Variants in C4orf46 observed in about 807,000 individuals in gnomAD.
The protein encoded by C4orf46 is renal cancer differentiation gene 1 protein.
C4orf46 carries 8 observed loss-of-function variants against 9.1 expected under a neutral mutation model. The ratio of observed to expected loss-of-function variants is 0.88; its 90% confidence interval spans 0.52 to 1.59. C4orf46 has a LOEUF of 1.59. Ranked by LOEUF, C4orf46 falls within the 40% of genes most tolerant of loss-of-function variation. The probability of loss-of-function intolerance (pLI) is 0.00; values close to 1 mark genes in which losing one functional copy is unlikely to be tolerated. For missense variants in C4orf46, 151 were observed against 139.1 expected (o/e 1.09, Z -0.43); for synonymous variants, 51 against 58.8 (o/e 0.87, Z 0.61).
At position 158,667,994 on chromosome 4, in the gene C4orf46, G is replaced by A. The variant is rs1490824888; in HGVS notation, c.*1619C>T. 2.6e-5 allele frequency: 4 copies of A among 152,162 alleles called. No homozygotes were observed. Among genetic ancestry groups the A allele is most frequent in the Non-Finnish European group, 4.4e-5 (3 of 68,036 alleles). 9.4% of individuals were successfully genotyped at this position (152,162 alleles called of 1,614,324 possible). A position where few individuals can be genotyped will look rare whatever the true frequency, so the allele number is the denominator to read the frequency against. On this transcript the variant is annotated 3_prime_UTR_variant, in exon 2 of 2. Coordinates refer to ENST00000379205, the MANE Select transcript of C4orf46 (RefSeq NM_001008393.4). ...CTGGGGACTCTGGGGAGGGAGGAACGGGACAGGATCAAACAGGTAACAAAG... is the reference window on the plus strand; with the variant it reads ...CTGGGGACTCTGGGGAGGGAGGAACAGGACAGGATCAAACAGGTAACAAAG...
At position 158,669,541 on chromosome 4, in the gene C4orf46, G is replaced by A. The variant is rs1773461206; in HGVS notation, c.*72C>T. 2 of 1,458,244 alleles carry A rather than the reference G, an allele frequency of 1.4e-6. No homozygotes were observed. Among genetic ancestry groups the A allele is most frequent in the Non-Finnish European group, 1.9e-6 (2 of 1,050,098 alleles). 90.3% of individuals were successfully genotyped at this position (1,458,244 alleles called of 1,614,324 possible). ...TGGACAGAGGTCATCCTATATGTGT[G>A]GTACATGTACAAAATATGACATAAG... On this transcript the variant is annotated 3_prime_UTR_variant, in exon 2 of 2. Transcript: ENST00000379205.
At chr4:158,671,939 C>T (rs1191792112), upstream of C4orf46, 1 of 667,368 alleles carries the variant, frequency 1.5e-6, no homozygotes, top group Non-Finnish European at 2.5e-6. Context: ...TGGGTCTCAG[C>T]CCCGGACCAC....
At chr4:158,669,852 G>C (rs1773476606) in intron 1 of C4orf46, 84 bp from the exon 2 acceptor site, 34 of 1,085,620 alleles carry the variant, frequency 3.1e-5, no homozygotes, top group Non-Finnish European at 4.4e-5. Flanking sequence ...TTAAGGCTTT[G>C]AATCCAATGC....
In C4orf46 at chr4:158,667,798, CAGG is replaced by C. The variant is rs1488180579; in HGVS notation, c.*1812_*1814del. The C allele has an allele frequency of 1.3e-5, 2 of 152,016 alleles. No individual in the cohort carries two copies. The highest frequency in any genetic ancestry group is 2.4e-5 in the African/African-American group (1 of 41,368). 9.4% of individuals were successfully genotyped at this position (152,016 alleles called of 1,614,324 possible). A position where few individuals can be genotyped will look rare whatever the true frequency, so the allele number is the denominator to read the frequency against. ...TTACAAAAGTCAGCACTGTAAAATG[CAGG>C]AGAAGGCTATACTGGGGCATGAACA... On this transcript the variant is annotated 3_prime_UTR_variant, in exon 2 of 2. Transcript: ENST00000379205.
In C4orf46 at chr4:158,669,448, C is replaced by T; in HGVS notation, c.*165G>A. 2 of 581,984 alleles carry T rather than the reference C, an allele frequency of 3.4e-6. No individual in the cohort carries two copies. Among genetic ancestry groups the T allele is most frequent in the Non-Finnish European group, 3.0e-6 (1 of 337,352 alleles). 36.1% of individuals were successfully genotyped at this position (581,984 alleles called of 1,614,324 possible). A position where few individuals can be genotyped will look rare whatever the true frequency, so the allele number is the denominator to read the frequency against. ...TACTGGTCCGCAACAAAAATAGCAT[C>T]GGTATTCTGCTTTCACAAAAACCAA... On this transcript the variant is annotated 3_prime_UTR_variant, in exon 2 of 2. Coordinates refer to ENST00000379205, the MANE Select transcript of C4orf46 (RefSeq NM_001008393.4).
Position 158,669,788 on chromosome 4 carries a change from CAT to C in C4orf46, c.187-22_187-21del, listed in dbSNP as rs1373599667. 1.5e-5 allele frequency: 23 copies of C among 1,564,862 alleles called. No individual in the cohort carries two copies. Among genetic ancestry groups the C allele is most frequent in the Admixed American group, 1.9e-5 (1 of 51,554 alleles). On this transcript the variant is annotated intron_variant, in intron 1 of 1. Coordinates refer to ENST00000379205, the MANE Select transcript of C4orf46 (RefSeq NM_001008393.4). ...GGCTGCCTAAAAAAAAAAAGTCAAA[CAT>C]AATTTTATTTTTAAAATTCTCATCT...
Position 158,671,827 on chromosome 4 carries a change from C to T in C4orf46, c.-26G>A, listed in dbSNP as rs1292201619. The T allele has an allele frequency of 1.6e-5, 24 of 1,461,256 alleles. No homozygotes were observed. Among genetic ancestry groups the T allele is most frequent in the Non-Finnish European group, 2.1e-5 (23 of 1,099,388 alleles). The allele number at this position is 1,461,256 out of a possible 1,614,324, so 90.5% of individuals were successfully genotyped here. ...GGGGAAGGGTTGGGACCGCGGAATC[C>T]GACCCGAGAAGCCGAACCGACACCA... On this transcript the variant is annotated 5_prime_UTR_variant, in exon 1 of 2. Coordinates refer to ENST00000379205, the MANE Select transcript of C4orf46 (RefSeq NM_001008393.4).
chr4:158,670,507 C>T (rs1773502676), intron 1 of C4orf46, among the ~76,000 whole-genome samples: 1 of 152,132 alleles, frequency 6.6e-6, no homozygotes, highest in Admixed American at 6.5e-5. Context: ...GATCAAAGAA[C>T]AGAAACTCTG....
Position 158,671,656 on chromosome 4 carries a change from G to A in C4orf46, c.146C>T (p.Thr49Met), listed in dbSNP as rs369968557. ...CTCCACTTCCTCCAGCTGGTCCACCGTTGGGCCGCTGCTCCTGCTCGGAAC... is the reference window on the plus strand; with the variant it reads ...CTCCACTTCCTCCAGCTGGTCCACCATTGGGCCGCTGCTCCTGCTCGGAAC... Reference protein sequence around the residue: ...WPVPSRSSGPTVDQLEEVELQ... With the variant: ...WPVPSRSSGPMVDQLEEVELQ... The change falls in exon 1 of 2, where the codon ACG becomes ATG. Residue 49 changes from threonine to methionine, a missense_variant. By Grantham distance (81) the Thr-to-Met change is moderately conservative (BLOSUM62 -1). Transcript: ENST00000379205. 11 of 1,602,302 alleles carry A rather than the reference G, an allele frequency of 6.9e-6. No individual in the cohort carries two copies. Among genetic ancestry groups the A allele is most frequent in the Middle Eastern group, 1.7e-4 (1 of 5,800 alleles).
Position 158,671,678 on chromosome 4 carries a change from G to T in C4orf46, c.124C>A (p.Pro42Thr). The T allele has an allele frequency of 6.2e-7, 1 of 1,611,502 alleles. No individual in the cohort carries two copies. Among genetic ancestry groups the T allele is most frequent in the Non-Finnish European group, 8.5e-7 (1 of 1,178,736 alleles). The change falls in exon 1 of 2, where the codon CCG becomes ACG. Residue 42 changes from proline (P) to threonine (T), a missense_variant. Coordinates refer to ENST00000379205, the MANE Select transcript of C4orf46 (RefSeq NM_001008393.4). ...GGPVSLGWPV[P>T]SRSSGPTVDQ... ...ACCGTTGGGCCGCTGCTCCTGCTCG[G>T]AACTGGCCAGCCCAAACTCACTGGG...
At chr4:158,669,889 A>C (rs897472500) in intron 1 of C4orf46, 121 bp from the exon 2 acceptor site, 13 of 819,984 alleles carry the variant, frequency 1.6e-5, no homozygotes, top group Non-Finnish European at 1.9e-5. Flanking sequence ...CAAAGTAATC[A>C]GTTTTCAAAC....
rs1178329708 is a variant in C4orf46 at position 158,668,529 on chromosome 4, G to C, written c.*1084C>G. The C allele has an allele frequency of 6.6e-6, 1 of 152,282 alleles. No homozygotes were observed. The highest frequency in any genetic ancestry group is 1.5e-5 in the Non-Finnish European group (1 of 68,014). 9.4% of individuals were successfully genotyped at this position (152,282 alleles called of 1,614,324 possible). ...ATGTCCAGAAGTTATATATGGTAGA[G>C]AATTAGTTGGCTTAATCGTTGACAC... On this transcript the variant is annotated 3_prime_UTR_variant, in exon 2 of 2. Transcript: ENST00000379205.
chr4:158,669,984 C>T (rs978104311), intron 1 of C4orf46, among the ~76,000 whole-genome samples: 8 of 148,274 alleles, frequency 5.4e-5, no homozygotes, highest in Admixed American at 2.0e-4. Context: ...GAAAAATATC[C>T]ATTATGTCTG....
chr4:158,669,959 G>A (rs1259465273), intron 1 of C4orf46, among the ~76,000 whole-genome samples, 191 bp from the exon 2 acceptor site: 4 of 149,802 alleles, frequency 2.7e-5, no homozygotes, highest in Non-Finnish European at 4.4e-5. Flanking sequence ...AGACTTTGAA[G>A]AAACAGGTCT....
At chr4:158,670,747 C>T (rs965854223) in intron 1 of C4orf46, among the ~76,000 whole-genome samples, 16 of 152,140 alleles carry the variant, frequency 1.1e-4, no homozygotes, top group Admixed American at 2.6e-4. Context: ...AAAATACTTG[C>T]GGAGCAATGA....
rs1363034078 is a variant in C4orf46 at position 158,667,926 on chromosome 4, T to C, written c.*1687A>G. The C allele has an allele frequency of 6.6e-6, 1 of 152,134 alleles. No individual in the cohort carries two copies. Among genetic ancestry groups the C allele is most frequent in the African/African-American group, 2.4e-5 (1 of 41,420 alleles). 9.4% of individuals were successfully genotyped at this position (152,134 alleles called of 1,614,324 possible). ...TTAAAAAATATATTTGTATTAAAAATATAAAAACACATGCTATATTATGCC... is the reference window on the plus strand; with the variant it reads ...TTAAAAAATATATTTGTATTAAAAACATAAAAACACATGCTATATTATGCC... On this transcript the variant is annotated 3_prime_UTR_variant, in exon 2 of 2. Transcript: ENST00000379205.
chr4:158,667,493 A>G lies in C4orf46; in HGVS notation c.*2120T>C, dbSNP rs1773409421. 1 of 152,206 alleles carries G rather than the reference A, an allele frequency of 6.6e-6. No individual in the cohort carries two copies. Among genetic ancestry groups the G allele is most frequent in the Non-Finnish European group, 1.5e-5 (1 of 68,028 alleles). The allele number at this position is 152,206 out of a possible 1,614,324, so 9.4% of individuals were successfully genotyped here. Reference sequence around the variant, plus strand: ...AAAAAAGATAATTGGAACATACATAACAGATCATTAGTATTCAAAATATGT... The same window carrying G: ...AAAAAAGATAATTGGAACATACATAGCAGATCATTAGTATTCAAAATATGT... On this transcript the variant is annotated 3_prime_UTR_variant, in exon 2 of 2. Coordinates refer to ENST00000379205, the MANE Select transcript of C4orf46 (RefSeq NM_001008393.4).
chr4:158,670,873 C>T (rs1208236664), intron 1 of C4orf46, among the ~76,000 whole-genome samples: 1 of 152,186 alleles, frequency 6.6e-6, no homozygotes, highest in Non-Finnish European at 1.5e-5. Flanking sequence ...GAACATAAAA[C>T]TCCCCTTCCC....
At chr4:158,671,498 G>T in intron 1 of C4orf46, 118 bp downstream of exon 1, 3 of 1,084,048 alleles carry the variant, frequency 2.8e-6, no homozygotes, top group Non-Finnish European at 3.8e-6. Context: ...GGGCGCAGAA[G>T]GGCCGGTCGT....
Sources: gnomAD v4.1 joint callset for allele counts (sites outside exome capture counted in the v4.1 genomes callset) on GRCh38, gnomAD v4.1.1 for gene constraint, MANE v1.5 for transcripts, NCBI Gene and HGNC (gene_info 2026-07-23, HGNC 2026-07-21) for gene names.